STAU2: variants seen among roughly 807,000 people sequenced by gnomAD.
STAU2 encodes staufen double-stranded RNA binding protein 2.
STAU2 carries 20 observed loss-of-function variants against 65.9 expected under a neutral mutation model. The ratio of observed to expected loss-of-function variants is 0.30; its 90% CI spans 0.21 to 0.44. The LOEUF (loss-of-function observed/expected upper bound fraction) is 0.44. STAU2 is among the 20% of genes least tolerant of loss of function. The pLI, the probability that STAU2 is intolerant of heterozygous loss-of-function variation, is 1.00. For missense variants in STAU2, 558 were observed against 683.9 expected, an observed-to-expected ratio of 0.82 and a Z score of 2.05; for synonymous variants, 232 against 233.9, an observed-to-expected ratio of 0.99 and a Z score of 0.07.
At chr8:73,737,490 G>A (rs1175292845) in intron 3 of STAU2, among the ~76,000 whole-genome samples, 1 of 151,684 alleles carries the variant, frequency 6.6e-6, no homozygotes, top group Non-Finnish European at 1.5e-5. Context: ...CTTAATCACA[G>A]GGGAAAAGAA....
intron 6 of STAU2, among the ~76,000 whole-genome samples, chr8:73,650,174 T>C (rs1457002296): frequency 6.6e-6 from 1 of 151,968 alleles, no homozygotes; most frequent in Non-Finnish European, 1.5e-5. Flanking sequence ...TGGTCCCAGC[T>C]GCTCTATGAT....
intron 12 of STAU2, among the ~76,000 whole-genome samples, chr8:73,554,381 A>G (rs1413652788): frequency 2.0e-5 from 3 of 152,216 alleles, no homozygotes; most frequent in Non-Finnish European, 4.4e-5. Context: ...AAAATATGCC[A>G]TGTCCTGTCA....
At chr8:73,478,623 A>G (rs1306474071) in intron 13 of STAU2, among the ~76,000 whole-genome samples, 1 of 152,166 alleles carries the variant, frequency 6.6e-6, no homozygotes, top group Non-Finnish European at 1.5e-5. Context: ...AAAACGGTTT[A>G]TGTTCTTTGT....
chr8:73,631,291 G>T (rs1814072628), intron 6 of STAU2, among the ~76,000 whole-genome samples: 1 of 151,746 alleles, frequency 6.6e-6, no homozygotes, highest in African/African-American at 2.4e-5. Flanking sequence ...GAATTCAAGG[G>T]TACAGTGAGC....
chr8:73,729,473 T>C (rs1384437843), intron 3 of STAU2, among the ~76,000 whole-genome samples: 1 of 152,226 alleles, frequency 6.6e-6, no homozygotes, highest in Non-Finnish European at 1.5e-5. Flanking sequence ...TTGGAAGAGT[T>C]TGAGAGCGAT....
At chr8:73,516,186 C>T (rs563449265) in intron 13 of STAU2, among the ~76,000 whole-genome samples, 7 of 151,996 alleles carry the variant, frequency 4.6e-5, no homozygotes, top group South Asian at 2.1e-4. Flanking sequence ...GCAGTCTGCC[C>T]ACCTTGGCCT....
At chr8:73,539,918 G>C (rs948282060) in intron 13 of STAU2, among the ~76,000 whole-genome samples, 3 of 151,658 alleles carry the variant, frequency 2.0e-5, no homozygotes, top group Admixed American at 6.6e-5. Context: ...CAAGGAATCT[G>C]TGGGACAATA....
At chr8:73,470,326 A>C (rs1251397356) in intron 13 of STAU2, among the ~76,000 whole-genome samples, 1 of 152,118 alleles carries the variant, frequency 6.6e-6, no homozygotes, top group Non-Finnish European at 1.5e-5. Context: ...GGCTTCTATA[A>C]AGGGAAGAAT....
chr8:73,486,853 A>G (rs574517954), intron 13 of STAU2, among the ~76,000 whole-genome samples: 102 of 151,486 alleles, frequency 6.7e-4, no homozygotes, highest in Non-Finnish European at 9.4e-4. Context: ...GAGTCTTGCT[A>G]TATTGCCCAG....
At chr8:73,661,454 T>C (rs1051763478) in intron 6 of STAU2, among the ~76,000 whole-genome samples, 10 of 152,222 alleles carry the variant, frequency 6.6e-5, no homozygotes, top group African/African-American at 2.4e-4. Flanking sequence ...ATCAATGTTA[T>C]TGAGGTAAAA....
intron 6 of STAU2, among the ~76,000 whole-genome samples, chr8:73,651,862 C>T (rs1815906814): frequency 6.6e-6 from 1 of 152,254 alleles, no homozygotes; most frequent in African/African-American, 2.4e-5. Flanking sequence ...ACCCAGAGAA[C>T]TCAGCTGTTC....
At chr8:73,688,606 G>A in intron 5 of STAU2, 48 bp downstream of exon 5, 2 of 1,593,826 alleles carry the variant, frequency 1.3e-6, no homozygotes, top group African/African-American at 1.3e-5. Context: ...CATACAACAA[G>A]CAGAACACAC....
At chr8:73,714,114 G>A (rs1586331502) in intron 3 of STAU2, among the ~76,000 whole-genome samples, 1 of 151,846 alleles carries the variant, frequency 6.6e-6, no homozygotes, top group Admixed American at 6.6e-5. Flanking sequence ...TATTGGTCAC[G>A]CTGGTCTCGA....
intron 4 of STAU2, among the ~76,000 whole-genome samples, chr8:73,689,923 A>G (rs960860223): frequency 6.6e-6 from 1 of 152,004 alleles, no homozygotes; most frequent in Non-Finnish European, 1.5e-5. Flanking sequence ...TCACAGGGAA[A>G]CAACCAGAGA....
At chr8:73,570,753 C>T (rs970995261) in intron 12 of STAU2, among the ~76,000 whole-genome samples, 3 of 152,140 alleles carry the variant, frequency 2.0e-5, no homozygotes, top group Non-Finnish European at 2.9e-5. Flanking sequence ...GCGGATCTCT[C>T]GGCAGAAACT....
In STAU2 at chr8:73,469,042, C is replaced by T. The variant is rs545413802; in HGVS notation, c.1531-46340G>A. ...GTGGCACTATTCACAATAGCAAAGA[C>T]TTGGAACCAACCCAAATGTCCAACA... On this transcript the variant is annotated intron_variant, in intron 13 of 14. Transcript: ENST00000524300. Among the ~76,000 whole-genome samples the T allele has an allele frequency of 3.6e-3, 542 of 152,108 alleles. 2 individuals are homozygous for T. Among genetic ancestry groups the T allele is most frequent in the Non-Finnish European group, 6.2e-3 (422 of 67,994 alleles).
chr8:73,525,168 TC>T (rs748891360), intron 13 of STAU2, among the ~76,000 whole-genome samples: 70 of 152,360 alleles, frequency 4.6e-4, no homozygotes, highest in Middle Eastern at 3.4e-3. Context: ...GTGACCATCA[TC>T]AACACATTTC....
intron 3 of STAU2, among the ~76,000 whole-genome samples, chr8:73,730,814 T>G (rs770529004): frequency 6.6e-6 from 1 of 152,090 alleles, no homozygotes; most frequent in African/African-American, 2.4e-5. Flanking sequence ...TTAGGTCTAG[T>G]TGATTAATAC....
chr8:73,606,967 G>A (rs181696740), intron 9 of STAU2, among the ~76,000 whole-genome samples: 1 of 152,054 alleles, frequency 6.6e-6, no homozygotes, highest in East Asian at 1.9e-4. Context: ...AAAGAAGCCA[G>A]CCAAAAAAAA....
Sources: gnomAD v4.1 joint callset for allele counts (sites outside exome capture counted in the v4.1 genomes callset) on GRCh38, gnomAD v4.1.1 for gene constraint, MANE v1.5 for transcripts, NCBI Gene and HGNC (gene_info 2026-07-23, HGNC 2026-07-21) for gene names.